CDC34: variants seen among roughly 807,000 people sequenced by gnomAD.
CDC34 encodes the protein ubiquitin-conjugating enzyme E2 R1.
CDC34 carries 18 observed loss-of-function variants against 26.8 expected under a neutral mutation model. The ratio of observed to expected loss-of-function variants is 0.67; its 90% CI spans 0.47 to 1.00. CDC34 has a LOEUF of 1.00. Ranked by LOEUF, CDC34 falls within the 50% of genes least tolerant of loss-of-function variation. The pLI, the probability that CDC34 is intolerant of heterozygous loss-of-function variation, is 0.00. For missense variants in CDC34, 280 were observed against 334.5 expected, an observed-to-expected ratio of 0.84 and a Z score of 1.27; for synonymous variants, 178 against 147.5, an observed-to-expected ratio of 1.21 and a Z score of -1.50.
chr19:538,949 C>T, intron 4 of CDC34: 1 of 985,314 alleles, frequency 1.0e-6, no homozygotes. Flanking sequence ...GCTCCTTGGC[C>T]CGGTTCTTCC....
At chr19:537,568 G>A (rs1237667262) in intron 4 of CDC34, among the ~76,000 whole-genome samples, 1 of 151,216 alleles carries the variant, frequency 6.6e-6, no homozygotes, top group African/African-American at 2.4e-5. Context: ...TAGCCAGGAT[G>A]GTCTCGATCT....
intron 1 of CDC34, 145 bp downstream of exon 1, chr19:532,253 A>G: frequency 1.8e-6 from 1 of 558,146 alleles, no homozygotes. Flanking sequence ...TTCTATGGCC[A>G]CGTTCCCCCA....
In CDC34 at chr19:532,107, A is replaced by G; in HGVS notation, c.176A>G (p.Lys59Arg). 2 of 1,504,456 alleles carry G rather than the reference A, an allele frequency of 1.3e-6. No individual in the cohort carries two copies. Among genetic ancestry groups the G allele is most frequent in the African/African-American group, 2.9e-5 (2 of 67,912 alleles). The allele number at this position is 1,504,456 out of a possible 1,614,324, so 93.2% of individuals were successfully genotyped here. Reference sequence around the variant, plus strand: ...ACCTACTACGAGGGCGGCTACTTCAAGGTGAGCGCGGCGACCCCCGCCCGG... The same window carrying G: ...ACCTACTACGAGGGCGGCTACTTCAGGGTGAGCGCGGCGACCCCCGCCCGG... ...PNTYYEGGYF[K>R]ARLKFPIDYP... Residue 59 changes from lysine (K) to arginine (R), a missense_variant and splice_region_variant, in exon 1 of 5, where the codon AAG becomes AGG. Lys to Arg is a conservative substitution (Grantham distance 26). Coordinates refer to ENST00000215574, the MANE Select transcript of CDC34 (RefSeq NM_004359.2).
At chr19:539,103 T>C (rs1328262192) in intron 4 of CDC34, 1 of 807,464 alleles carries the variant, frequency 1.2e-6, no homozygotes, top group South Asian at 5.6e-5. Context: ...GCCTGTTTTT[T>C]CATCTGTGTG....
chr19:536,468 C>A lies in CDC34; in HGVS notation c.362+128C>A, dbSNP rs17841751. 1.4e-3 allele frequency: 1,002 copies of A among 712,402 alleles called. 5 individuals carry two copies. The African/African-American group carries it at 0.014, about 10-fold the overall frequency. 44.1% of individuals were successfully genotyped at this position (712,402 alleles called of 1,614,324 possible). On this transcript the variant is annotated intron_variant, in intron 3 of 4. Coordinates refer to ENST00000215574, the MANE Select transcript of CDC34 (RefSeq NM_004359.2). The stretch of plus-strand genomic sequence containing the variant: ...TGTGGCGCCAAGGCCTGATTCGGGA[C>A]CTGCCAGCTGGCGGTCCTGGGCCTC...
intron 3 of CDC34, chr19:536,592 A>C: frequency 1.7e-6 from 1 of 577,832 alleles, no homozygotes; most frequent in Non-Finnish European, 3.1e-6. Context: ...GTCTGGAACC[A>C]CCTAGAGGTG....
chr19:536,393 C>G lies in CDC34; in HGVS notation c.362+53C>G, dbSNP rs1455557348. 3.7e-6 allele frequency: 5 copies of G among 1,367,072 alleles called. No individual in the cohort carries two copies. The African/African-American group carries it at 6.6e-5, about 18-fold the overall frequency. 84.7% of individuals were successfully genotyped at this position (1,367,072 alleles called of 1,614,324 possible). ...CCCAGAACATCAGGTAGGCCGGGCT[C>G]CGTCCCGTATCCACCCAGACCATCA... On this transcript the variant is annotated intron_variant, in intron 3 of 4. Transcript: ENST00000215574.
intron 1 of CDC34, among the ~76,000 whole-genome samples, chr19:532,550 C>G (rs1979543939): frequency 6.6e-6 from 1 of 152,220 alleles, no homozygotes; most frequent in East Asian, 1.9e-4. Context: ...CCCGCCCTCC[C>G]CGGAGGAGAC....
Position 541,464 on chromosome 19 carries a change from A to G in CDC34, c.623A>G (p.Asp208Gly), listed in dbSNP as rs1161096646. The G allele has an allele frequency of 6.2e-7, 1 of 1,612,556 alleles. No individual in the cohort carries two copies. The highest frequency in any genetic ancestry group is 8.5e-7 in the Non-Finnish European group (1 of 1,179,758). The change falls in exon 5 of 5, where the codon GAC becomes GGC. Residue 208 changes from aspartate to glycine, a missense_variant. Transcript: ENST00000215574. Reference sequence around the variant, plus strand: ...GACGAGGGCTCAGACCTCTTCTACGACGACTACTACGAGGACGGCGAGGTG... The same window carrying G: ...GACGAGGGCTCAGACCTCTTCTACGGCGACTACTACGAGGACGGCGAGGTG... ...APDEGSDLFY[D>G]DYYEDGEVEE...
At chr19:539,384 C>T (rs1366989872) in intron 4 of CDC34, among the ~76,000 whole-genome samples, 1 of 151,282 alleles carries the variant, frequency 6.6e-6, no homozygotes, top group Non-Finnish European at 1.5e-5. Context: ...TCCCCTGCGT[C>T]TCCCCACTGC....
chr19:535,078 G>A (rs950877023), intron 1 of CDC34, among the ~76,000 whole-genome samples: 13 of 152,244 alleles, frequency 8.5e-5, no homozygotes, highest in South Asian at 6.2e-4. Flanking sequence ...CAGGAGGGCC[G>A]TGGGTGGCAT....
chr19:533,391 C>T (rs1979587202), intron 1 of CDC34, among the ~76,000 whole-genome samples: 1 of 152,264 alleles, frequency 6.6e-6, no homozygotes, highest in Admixed American at 6.5e-5. Flanking sequence ...GAACCGCACC[C>T]GCTCAGCGGC....
chr19:540,061 G>A (rs189188049), intron 4 of CDC34, among the ~76,000 whole-genome samples: 2,041 of 63,396 alleles, frequency 0.032, 10 homozygotes, highest in Middle Eastern at 0.057. Flanking sequence ...TTTAGAATCC[G>A]GAGGCCGGGG....
At chr19:532,228 T>A in intron 1 of CDC34, 120 bp downstream of exon 1, 1 of 745,746 alleles carries the variant, frequency 1.3e-6, no homozygotes. Flanking sequence ...GCCTCCTGGC[T>A]TGGGCTCGTT....
At position 532,105 on chromosome 19, in the gene CDC34, C is replaced by G; in HGVS notation, c.174C>G (p.Phe58Leu). 6.6e-7 allele frequency: 1 copy of G among 1,507,110 alleles called. No homozygotes were observed. Among genetic ancestry groups the G allele is most frequent in the African/African-American group, 1.5e-5 (1 of 68,022 alleles). 93.4% of individuals were successfully genotyped at this position (1,507,110 alleles called of 1,614,324 possible). A position where few individuals can be genotyped will look rare whatever the true frequency, so the allele number is the denominator to read the frequency against. ...PPNTYYEGGYFKARLKFPIDY... is the reference protein window; with the variant it reads ...PPNTYYEGGYLKARLKFPIDY... Reference sequence around the variant, plus strand: ...ACACCTACTACGAGGGCGGCTACTTCAAGGTGAGCGCGGCGACCCCCGCCC... The same window carrying G: ...ACACCTACTACGAGGGCGGCTACTTGAAGGTGAGCGCGGCGACCCCCGCCC... Residue 58 changes from phenylalanine to leucine, a missense_variant, in exon 1 of 5, where the codon TTC (phenylalanine) becomes TTG (leucine). Phe to Leu is a conservative substitution (Grantham distance 22). Coordinates refer to ENST00000215574, the MANE Select transcript of CDC34 (RefSeq NM_004359.2).
intron 1 of CDC34, among the ~76,000 whole-genome samples, chr19:532,797 C>T (rs1179786526): frequency 1.3e-5 from 2 of 152,188 alleles, no homozygotes; most frequent in Non-Finnish European, 2.9e-5. Context: ...TCGGGAAGGC[C>T]GAAGTAGGGG....
intron 1 of CDC34, among the ~76,000 whole-genome samples, chr19:532,464 C>T (rs1433097946): frequency 6.6e-6 from 1 of 152,186 alleles, no homozygotes; most frequent in Non-Finnish European, 1.5e-5. Flanking sequence ...GGGGCTGGAC[C>T]CCGGCTGCCT....
intron 3 of CDC34, chr19:536,746 C>T (rs1430923368): frequency 2.5e-5 from 14 of 557,212 alleles, no homozygotes; most frequent in Admixed American, 9.3e-5. Flanking sequence ...GTAGTCTAGG[C>T]AGGACGTGCG....
intron 4 of CDC34, among the ~76,000 whole-genome samples, chr19:539,946 C>T (rs1979935268): frequency 6.6e-6 from 1 of 152,168 alleles, no homozygotes; most frequent in Non-Finnish European, 1.5e-5. Flanking sequence ...TCCCTTCCTG[C>T]CAGAGGCTGG....
Sources: gnomAD v4.1 joint callset for allele counts (sites outside exome capture counted in the v4.1 genomes callset) on GRCh38, gnomAD v4.1.1 for gene constraint, MANE v1.5 for transcripts, NCBI Gene and HGNC (gene_info 2026-07-23, HGNC 2026-07-21) for gene names.